The following TIE1 variants were observed in gnomAD, a reference collection of about 807,000 sequenced individuals.
TIE1 encodes tyrosine-protein kinase receptor Tie-1.
TIE1 carries 89 observed loss-of-function variants against 130.5 expected under a neutral mutation model. That is an observed-to-expected ratio of 0.68 (90% CI 0.57 to 0.81). The LOEUF is 0.81. Ranked by LOEUF, TIE1 falls within the 40% of genes least tolerant of loss-of-function variation. The pLI is 0.00. For synonymous variants in TIE1, 568 were observed against 629.4 expected (o/e 0.90, Z 1.46); for missense variants, 1,392 against 1,559.8 (o/e 0.89, Z 1.81).
intron 1 of TIE1, chr1:43,302,302 A>T (rs1035311530): frequency 1.3e-5 from 2 of 152,238 alleles, no homozygotes; most frequent in Non-Finnish European, 2.9e-5. Context: ...GATGCAGAGC[A>T]GTTGGCACAG....
chr1:43,313,871 C>T lies in TIE1; in HGVS notation c.2312C>T (p.Ala771Val). 1.2e-6 allele frequency: 2 copies of T among 1,614,050 alleles called. No individual in the cohort carries two copies. Among genetic ancestry groups the T allele is most frequent in the Non-Finnish European group, 1.7e-6 (2 of 1,179,982 alleles). The part of the protein sequence containing the change: ...LILAVVGSVS[A>V]TCLTILAALL... The stretch of plus-strand genomic sequence containing the variant: ...CTGGCGGTGGTGGGCTCCGTGTCTG[C>T]CACCTGCCTCACCATCCTGGCTGCC... The change falls in exon 14 of 23, where the codon GCC becomes GTC. Residue 771 changes from alanine (A) to valine (V), a missense_variant. Transcript: ENST00000372476. This position sits in a 1 kb window ranked among gnomAD's most constrained non-coding sequence, Gnocchi z 6.2.
chr1:43,318,019 C>T lies in TIE1; in HGVS notation c.2869C>T (p.Leu957=). The T allele has an allele frequency of 6.3e-7, 1 of 1,590,022 alleles. No individual in the cohort carries two copies. The highest frequency in any genetic ancestry group is 8.6e-7 in the Non-Finnish European group (1 of 1,167,486). Residue 957 remains leucine, a synonymous_variant, in exon 17 of 23, where the codon CTG becomes TTG. Transcript: ENST00000372476. The surrounding 1 kb of genome is among the most constrained non-coding windows in gnomAD (Gnocchi z 4.4). ...CTCTACCCTTAGCTCCCGGCAGCTGCTGCGTTTCGCCAGTGATGCGGCCAA... is the reference window on the plus strand; with the variant it reads ...CTCTACCCTTAGCTCCCGGCAGCTGTTGCGTTTCGCCAGTGATGCGGCCAA... ...TASTLSSRQL[L]RFASDAANGM...
rs1305231899 is a variant in TIE1 at position 43,304,839 on chromosome 1, T to A, written c.59-12T>A. On this transcript the variant is annotated splice_polypyrimidine_tract_variant and intron_variant, in intron 1 of 22. Transcript: ENST00000372476. ...TGGGACTACAATAGAGTCACTGGTG[T>A]CCTGGCCCCAGGCGCGGCGGTGGAC... The A allele has an allele frequency of 2.1e-6, 3 of 1,416,172 alleles. No homozygotes were observed. The highest frequency in any genetic ancestry group is 2.7e-6 in the Non-Finnish European group (3 of 1,092,094). The allele number at this position is 1,416,172 out of a possible 1,614,324, so 87.7% of individuals were successfully genotyped here.
Position 43,305,232 on chromosome 1 carries a change from G to A in TIE1, c.374-1G>A, listed in dbSNP as rs1395839531. The A allele has an allele frequency of 1.4e-5, 22 of 1,613,840 alleles. No individual in the cohort carries two copies. In the Admixed American group the frequency reaches 3.7e-4, roughly 27 times the overall value. ...CCGCTGACCCACCTTCCACCCCGCA[G>A]CCCACCTGCTTCCAGACAAGGTCAC... is the stretch of plus-strand genomic sequence containing the variant. On this transcript the variant is annotated splice_acceptor_variant, in intron 2 of 22. Transcript: ENST00000372476. LOFTEE classifies it high-confidence loss of function.
intron 14 of TIE1, chr1:43,314,647 G>A: frequency 7.4e-6 from 5 of 674,898 alleles, no homozygotes; most frequent in Non-Finnish European, 9.1e-6. Flanking sequence ...GGCCAACATG[G>A]TGAAACCTTG....
Position 43,307,188 on chromosome 1 carries a change from A to T in TIE1, c.687A>T (p.Pro229=). 2.5e-6 allele frequency: 4 copies of T among 1,614,148 alleles called. No homozygotes were observed. The highest frequency in any genetic ancestry group is 3.4e-6 in the Non-Finnish European group (4 of 1,180,006). ...RWGPGCTKEC[P]GCLHGGVCHD... ...GGCCAGGCTGTACCAAGGAGTGCCC[A>T]GGTTGCCTACATGGAGGTGTCTGCC... Residue 229 remains proline (P), a synonymous_variant, in exon 5 of 23, where the codon CCA becomes CCT. Coordinates refer to ENST00000372476, the MANE Select transcript of TIE1 (RefSeq NM_005424.5). This position sits in a 1 kb window ranked among gnomAD's most constrained non-coding sequence, Gnocchi z 5.4.
In TIE1 at chr1:43,321,384, C is replaced by G; in HGVS notation, c.3149-12C>G. Reference sequence around the variant, plus strand: ...GAGCCCTGGACCGAGAGCACTTTGTCCCCTCCTGCAGGAGGTACACCCTAC... The same window carrying G: ...GAGCCCTGGACCGAGAGCACTTTGTGCCCTCCTGCAGGAGGTACACCCTAC... On this transcript the variant is annotated splice_polypyrimidine_tract_variant and intron_variant, in intron 20 of 22. Transcript: ENST00000372476. 6.2e-7 allele frequency: 1 copy of G among 1,613,820 alleles called. No individual in the cohort carries two copies. The highest frequency in any genetic ancestry group is 8.5e-7 in the Non-Finnish European group (1 of 1,179,768).
Position 43,317,236 on chromosome 1 carries a change from T to C in TIE1, c.2447T>C (p.Leu816Ser). The C allele has an allele frequency of 6.2e-7, 1 of 1,614,106 alleles. No homozygotes were observed. Among genetic ancestry groups the C allele is most frequent in the Non-Finnish European group, 8.5e-7 (1 of 1,180,026 alleles). Residue 816 changes from leucine (L) to serine (S), a missense_variant, in exon 15 of 23, where the codon TTG becomes TCG. Around this residue, in one of 6 missense-constraint regions of TIE1, gnomAD observed 286 missense variants for 354.4 expected, o/e 0.81. Transcript: ENST00000372476. This position sits in a 1 kb window ranked among gnomAD's most constrained non-coding sequence, Gnocchi z 5.1. Reference sequence around the variant, plus strand: ...ATCCTGCAGTTCAGCTCAGGGACCTTGACACTTACCCGGCGGCCAAAACTG... The same window carrying C: ...ATCCTGCAGTTCAGCTCAGGGACCTCGACACTTACCCGGCGGCCAAAACTG... ...ETILQFSSGTLTLTRRPKLQP... is the reference protein window; with the variant it reads ...ETILQFSSGTSTLTRRPKLQP...
At position 43,318,589 on chromosome 1, in the gene TIE1, T is replaced by C. The variant is rs888884056; in HGVS notation, c.2922+517T>C. On this transcript the variant is annotated intron_variant, in intron 17 of 22. Transcript: ENST00000372476. This position sits in a 1 kb window ranked among gnomAD's most constrained non-coding sequence, Gnocchi z 4.4. ...TGCGATTTCAGCTCACTACAACCTCTGCCTCCTGGGTTCAAGCAATTCTCC... is the reference window on the plus strand; with the variant it reads ...TGCGATTTCAGCTCACTACAACCTCCGCCTCCTGGGTTCAAGCAATTCTCC... Among the ~76,000 whole-genome samples the C allele has an allele frequency of 6.6e-6, 1 of 151,972 alleles. No individual in the cohort carries two copies. Among genetic ancestry groups the C allele is most frequent in the Non-Finnish European group, 1.5e-5 (1 of 67,964 alleles).
In TIE1 at chr1:43,312,035, A is replaced by G; in HGVS notation, c.1534A>G (p.Lys512Glu). 6.2e-7 allele frequency: 1 copy of G among 1,606,992 alleles called. No homozygotes were observed. Among genetic ancestry groups the G allele is most frequent in the Non-Finnish European group, 8.5e-7 (1 of 1,175,344 alleles). ...ENVTLMNLRP[K>E]TGYSVRVQLS... ...CGTGACGTTAATGAACCTGAGGCCA[A>G]AGACAGGATACAGTGTTCGTGTGCA... The change falls in exon 11 of 23, where the codon AAG (lysine) becomes GAG (glutamate). Residue 512 changes from lysine to glutamate, a missense_variant. Transcript: ENST00000372476. This position sits in a 1 kb window ranked among gnomAD's most constrained non-coding sequence, Gnocchi z 5.6.
chr1:43,309,570 A>T lies in TIE1; in HGVS notation c.1333+38A>T. ...CTAGGTCCACAGGGAATGGACGGTG[A>T]GCAGAGTAGGCTCTAGATGATGCTG... On this transcript the variant is annotated intron_variant, in intron 9 of 22. Transcript: ENST00000372476. The surrounding 1 kb of genome is among the most constrained non-coding windows in gnomAD (Gnocchi z 6.3). 6.5e-7 allele frequency: 1 copy of T among 1,543,618 alleles called. No individual in the cohort carries two copies. Among genetic ancestry groups the T allele is most frequent in the East Asian group, 2.3e-5 (1 of 44,216 alleles).
intron 3 of TIE1, among the ~76,000 whole-genome samples, chr1:43,305,851 C>T (rs961288124): frequency 9.9e-5 from 15 of 152,186 alleles, no homozygotes; most frequent in Non-Finnish European, 1.8e-4. Context: ...GACCCTTTGG[C>T]CACCCCATAG....
rs1646882792 is a variant in TIE1, at chr1:43,318,458, CAG to C, written c.2922+387_2922+388del. Among the ~76,000 whole-genome samples, 1 of 151,578 alleles carries C rather than the reference CAG, an allele frequency of 6.6e-6. No homozygotes were observed. Among genetic ancestry groups the C allele is most frequent in the Non-Finnish European group, 1.5e-5 (1 of 67,944 alleles). On this transcript the variant is annotated intron_variant, in intron 17 of 22. Transcript: ENST00000372476. This position sits in a 1 kb window ranked among gnomAD's most constrained non-coding sequence, Gnocchi z 4.4. Reference sequence around the variant, plus strand: ...GTCAACTCAGGCCTGAATGAGAGGACAGGGGGATGACTGTCCAGGGGAGTGTG... The same window carrying C: ...GTCAACTCAGGCCTGAATGAGAGGACGGGGATGACTGTCCAGGGGAGTGTG...
At position 43,317,135 on chromosome 1, in the gene TIE1, TGCCTCCTTCC is replaced by T; in HGVS notation, c.2410-60_2410-51del. The T allele has an allele frequency of 6.5e-7, 1 of 1,549,752 alleles. No individual in the cohort carries two copies. The highest frequency in any genetic ancestry group is 8.9e-7 in the Non-Finnish European group (1 of 1,124,126). ...TGAAACCTCCTCGTGTGCCTGTCTG[TGCCTCCTTCC>T]GCCCCCTTTGACTCTTGCGTGGACC... On this transcript the variant is annotated intron_variant, in intron 14 of 22. Coordinates refer to ENST00000372476, the MANE Select transcript of TIE1 (RefSeq NM_005424.5). The surrounding 1 kb of genome is among the most constrained non-coding windows in gnomAD (Gnocchi z 5.1).
At chr1:43,310,580 T>A (rs1646779713) in intron 9 of TIE1, among the ~76,000 whole-genome samples, 1 of 152,206 alleles carries the variant, frequency 6.6e-6, no homozygotes, top group Non-Finnish European at 1.5e-5. Context: ...CTCTCACATA[T>A]GATCTGCAGC....
At chr1:43,302,401 T>C (rs1299613848) in intron 1 of TIE1, 1 of 152,182 alleles carries the variant, frequency 6.6e-6, no homozygotes, top group Admixed American at 6.5e-5. Flanking sequence ...AGGCTGCCTT[T>C]GAGTGGTTCA....
chr1:43,322,589 A>G lies in TIE1; in HGVS notation c.3346-62A>G, dbSNP rs563310909. On this transcript the variant is annotated intron_variant, in intron 22 of 22. Transcript: ENST00000372476. The surrounding 1 kb of genome is among the most constrained non-coding windows in gnomAD (Gnocchi z 4.0). The stretch of plus-strand genomic sequence containing the variant: ...AAATGCCCCCACCACATGGAAGTCC[A>G]GGAGCTTGAGGCCAGATGCACCCCC... 10 of 1,367,456 alleles carry G rather than the reference A, an allele frequency of 7.3e-6. No individual in the cohort carries two copies. The highest frequency in any genetic ancestry group is 3.4e-5 in the Admixed American group (2 of 58,772). 84.7% of individuals were successfully genotyped at this position (1,367,456 alleles called of 1,614,324 possible).
Position 43,307,861 on chromosome 1 carries a change from T to A in TIE1, c.979T>A (p.Cys327Ser). 1 of 1,614,186 alleles carries A rather than the reference T, an allele frequency of 6.2e-7. No homozygotes were observed. Among genetic ancestry groups the A allele is most frequent in the Non-Finnish European group, 8.5e-7 (1 of 1,180,036 alleles). ...GTGCCAGTGTCAGAATGGTGGCACT[T>A]GTGACCGGTTCAGTGGTTGTGTCTG... ...LQCQCQNGGT[C>S]DRFSGCVCPS... The change falls in exon 7 of 23, where the codon TGT becomes AGT. Residue 327 changes from cysteine (C) to serine (S), a missense_variant. By Grantham distance (112) the Cys-to-Ser change is moderately radical (BLOSUM62 -1). Transcript: ENST00000372476. The surrounding 1 kb of genome is among the most constrained non-coding windows in gnomAD (Gnocchi z 5.4).
At position 43,308,777 on chromosome 1, in the gene TIE1, G is replaced by A. The variant is rs1334350734; in HGVS notation, c.1043-209G>A. 1.7e-5 allele frequency: 12 copies of A among 690,914 alleles called. No individual in the cohort carries two copies. The African/African-American group carries it at 2.1e-4, about 12-fold the overall frequency. The allele number at this position is 690,914 out of a possible 1,614,324, so 42.8% of individuals were successfully genotyped here. The stretch of plus-strand genomic sequence containing the variant: ...GCTGGCAGGTATTAGACGGTATCGG[G>A]AAGTGGGGAGGTGGTTAGGAAGTAG... On this transcript the variant is annotated intron_variant, in intron 7 of 22. Coordinates refer to ENST00000372476, the MANE Select transcript of TIE1 (RefSeq NM_005424.5).
Sources: allele counts gnomAD v4.1 joint callset (sites outside exome capture counted in the v4.1 genomes callset), GRCh38; gene constraint gnomAD v4.1.1; regional missense constraint gnomAD v4.1.1; non-coding constraint Gnocchi (gnomAD v3.1); transcripts MANE v1.5; gene names NCBI Gene and HGNC (gene_info 2026-07-23, HGNC 2026-07-21).